The following RPS6KB1 variants were observed in gnomAD, a reference collection of about 807,000 sequenced individuals.
RPS6KB1 encodes ribosomal protein S6 kinase B1.
In RPS6KB1, 12 loss-of-function variants were observed where a neutral mutation model predicts 70.2. The ratio of observed to expected loss-of-function variants is 0.17; its 90% confidence interval spans 0.11 to 0.28. The LOEUF (loss-of-function observed/expected upper bound fraction) is 0.28. RPS6KB1 is among the 10% of genes least tolerant of loss of function. The probability of loss-of-function intolerance (pLI) is 1.00; values close to 1 mark genes in which losing one functional copy is unlikely to be tolerated. For missense variants in RPS6KB1, 270 were observed against 646.6 expected (o/e 0.42, Z 6.32); for synonymous variants, 175 against 211.2 (o/e 0.83, Z 1.49).
intron 4 of RPS6KB1, among the ~76,000 whole-genome samples, chr17:59,925,082 C>T (rs1201329430): frequency 1.3e-5 from 2 of 152,098 alleles, no homozygotes; most frequent in African/African-American, 2.4e-5. Flanking sequence ...CCGCCCTCCT[C>T]GGCCTCCCAA....
At chr17:59,905,977 C>G (rs2042242856) in intron 1 of RPS6KB1, among the ~76,000 whole-genome samples, 1 of 151,928 alleles carries the variant, frequency 6.6e-6, no homozygotes, top group Non-Finnish European at 1.5e-5. Context: ...GTTTTAGCTC[C>G]TGTATTTAGG....
chr17:59,938,183 T>G (rs426271), intron 12 of RPS6KB1, among the ~76,000 whole-genome samples: 10,846 of 113,584 alleles, frequency 0.095, 533 homozygotes, highest in Non-Finnish European at 0.12. Context: ...TTTTTTTTTT[T>G]TGGGGGGGGG....
At chr17:59,904,186 T>C (rs1192950370) in intron 1 of RPS6KB1, among the ~76,000 whole-genome samples, 1 of 151,762 alleles carries the variant, frequency 6.6e-6, no homozygotes, top group Non-Finnish European at 1.5e-5. Flanking sequence ...GTTCAAGTGA[T>C]TCTCCTGCCT....
intron 5 of RPS6KB1, among the ~76,000 whole-genome samples, chr17:59,929,517 T>C (rs1010613933): frequency 1.3e-5 from 2 of 152,226 alleles, no homozygotes; most frequent in Non-Finnish European, 2.9e-5. Flanking sequence ...TCTACTGTAA[T>C]AAAGAACTTT....
intron 1 of RPS6KB1, among the ~76,000 whole-genome samples, chr17:59,894,141 T>G (rs2041351406): frequency 6.6e-6 from 1 of 152,112 alleles, no homozygotes; most frequent in African/African-American, 2.4e-5. Flanking sequence ...AACAGAGACT[T>G]GTGAATGGTG....
intron 4 of RPS6KB1, among the ~76,000 whole-genome samples, chr17:59,914,992 CTT>C (rs748670403): frequency 5.6e-5 from 8 of 142,864 alleles, no homozygotes; most frequent in Non-Finnish European, 7.7e-5. Flanking sequence ...ATTTTCTTTT[CTT>C]TTTTTTTTTT....
chr17:59,902,741 T>C (rs1390839676), intron 1 of RPS6KB1, among the ~76,000 whole-genome samples: 2 of 152,088 alleles, frequency 1.3e-5, no homozygotes, highest in Non-Finnish European at 1.5e-5. Context: ...CATTCCCAGC[T>C]AATTTTTTGA....
chr17:59,909,495 T>TGAC (rs2042498384), intron 1 of RPS6KB1, among the ~76,000 whole-genome samples: 1 of 145,978 alleles, frequency 6.9e-6, no homozygotes, highest in Non-Finnish European at 1.5e-5. Context: ...CTCGAACTCC[T>TGAC]GACCTCGTGA....
chr17:59,926,718 A>G (rs556798875), intron 5 of RPS6KB1, 136 bp downstream of exon 5: 247 of 633,674 alleles, frequency 3.9e-4, no homozygotes, highest in Non-Finnish European at 5.8e-4. Flanking sequence ...CTGAAGTACA[A>G]AATTCAGATG....
intron 1 of RPS6KB1, among the ~76,000 whole-genome samples, chr17:59,894,078 A>C (rs772118917): frequency 1.3e-5 from 2 of 152,030 alleles, no homozygotes; most frequent in Non-Finnish European, 2.9e-5. Context: ...TGGAAAAAAA[A>C]ACCAAAAACC....
At chr17:59,908,160 T>C (rs1297713797) in intron 1 of RPS6KB1, among the ~76,000 whole-genome samples, 2 of 152,256 alleles carry the variant, frequency 1.3e-5, no homozygotes, top group East Asian at 3.9e-4. Flanking sequence ...ATATTCAGAA[T>C]GTAGTGCCTT....
chr17:59,893,192 G>A lies in RPS6KB1; in HGVS notation c.8G>A (p.Arg3Gln). 1 of 1,598,670 alleles carries A rather than the reference G, an allele frequency of 6.3e-7. No homozygotes were observed. Among genetic ancestry groups the A allele is most frequent in the Non-Finnish European group, 8.5e-7 (1 of 1,173,508 alleles). The stretch of plus-strand genomic sequence containing the variant: ...TGCGGCGGGTCCGGGCCCATGAGGC[G>A]ACGAAGGAGGCGGGACGGCTTTTAC... MR[R>Q]RRRRDGFYPA... The change falls in exon 1 of 15, where the codon CGA (arginine) becomes CAA (glutamine). Residue 3 changes from arginine (R) to glutamine (Q), a missense_variant. Arg to Gln is a conservative substitution (Grantham distance 43, BLOSUM62 1). Coordinates refer to ENST00000225577, the MANE Select transcript of RPS6KB1 (RefSeq NM_003161.4). The surrounding 1 kb of genome is among the most constrained non-coding windows in gnomAD (Gnocchi z 4.1).
At chr17:59,928,475 G>A (rs185208499) in intron 5 of RPS6KB1, among the ~76,000 whole-genome samples, 118 of 151,432 alleles carry the variant, frequency 7.8e-4, no homozygotes, top group African/African-American at 2.5e-3. Context: ...TCTGCCTCTC[G>A]AGTAGCTGGG....
intron 4 of RPS6KB1, among the ~76,000 whole-genome samples, chr17:59,925,364 T>C (rs1000603006): frequency 6.6e-6 from 1 of 152,222 alleles, no homozygotes; most frequent in Non-Finnish European, 1.5e-5. Flanking sequence ...TTCCCAAAAC[T>C]TTTTCACTTT....
At chr17:59,920,961 G>C (rs1040278790) in intron 4 of RPS6KB1, among the ~76,000 whole-genome samples, 4 of 152,178 alleles carry the variant, frequency 2.6e-5, no homozygotes, top group Non-Finnish European at 4.4e-5. Context: ...GCCCCCTAAA[G>C]TGCTGGAATT....
At chr17:59,931,569 G>C in intron 6 of RPS6KB1, 53 bp from the exon 7 acceptor site, 1 of 1,443,712 alleles carries the variant, frequency 6.9e-7, no homozygotes, top group Non-Finnish European at 9.7e-7. Flanking sequence ...TACGTAAACT[G>C]CTTTGGATAG....
At chr17:59,940,355 C>G (rs1378476720) in intron 12 of RPS6KB1, among the ~76,000 whole-genome samples, 1 of 137,162 alleles carries the variant, frequency 7.3e-6, no homozygotes, top group Non-Finnish European at 1.5e-5. Flanking sequence ...GGCACGATCT[C>G]TGCTTGCTGC....
intron 4 of RPS6KB1, among the ~76,000 whole-genome samples, chr17:59,923,606 G>A (rs1022062543): frequency 3.3e-5 from 5 of 151,850 alleles, no homozygotes; most frequent in East Asian, 1.9e-4. Flanking sequence ...CACCTCCTGC[G>A]TTCAAGCAGT....
intron 7 of RPS6KB1, 73 bp downstream of exon 7, chr17:59,931,795 T>G (rs2043937859): frequency 1.0e-6 from 1 of 963,686 alleles, no homozygotes; most frequent in African/African-American, 1.6e-5. Context: ...CGTGGCCATT[T>G]TCAAAGCCCC....
Sources: gnomAD v4.1 joint callset for allele counts (sites outside exome capture counted in the v4.1 genomes callset) on GRCh38, gnomAD v4.1.1 for gene constraint, Gnocchi (gnomAD v3.1) non-coding constraint, MANE v1.5 for transcripts, NCBI Gene and HGNC (gene_info 2026-07-23, HGNC 2026-07-21) for gene names.